The following SORBS2 variants were observed in gnomAD, a reference collection of about 807,000 sequenced individuals.
SORBS2 encodes the protein sorbin and SH3 domain containing 2.
SORBS2 carries 46 observed loss-of-function variants against 97.7 expected under a neutral mutation model. The ratio of observed to expected loss-of-function variants is 0.47; its 90% CI spans 0.37 to 0.60. The LOEUF (loss-of-function observed/expected upper bound fraction) is 0.60, where lower values mean the gene tolerates loss of function less well. SORBS2 is among the 20% of genes least tolerant of loss of function. The pLI is 0.00. For synonymous variants in SORBS2, 476 were observed against 473.4 expected, an observed-to-expected ratio of 1.01 and a Z score of -0.07; for missense variants, 1,316 against 1,282.3, an observed-to-expected ratio of 1.03 and a Z score of -0.40.
chr4:185,723,819 T>C (rs1450521607), intron 2 of SORBS2, among the ~76,000 whole-genome samples: 1 of 152,228 alleles, frequency 6.6e-6, no homozygotes, highest in Non-Finnish European at 1.5e-5. Flanking sequence ...GTCAAGGTCC[T>C]GGGCTCATAA....
Position 185,607,330 on chromosome 4 carries a change from G to T in SORBS2, c.2796+4450C>A, listed in dbSNP as rs1205303931. The stretch of plus-strand genomic sequence containing the variant: ...TGAGACTTTGTGGGTGGGAGGAGGG[G>T]CTGGTTCACTGGAAGCCAACTTGGA... On this transcript the variant is annotated intron_variant, in intron 12 of 14. Transcript: ENST00000418609. The surrounding 1 kb of genome is among the most constrained non-coding windows in gnomAD (Gnocchi z 5.2). The T allele has an allele frequency of 2.3e-6, 3 of 1,287,032 alleles. No individual in the cohort carries two copies. Among genetic ancestry groups the T allele is most frequent in the Non-Finnish European group, 3.0e-6 (3 of 987,482 alleles). 79.7% of individuals were successfully genotyped at this position (1,287,032 alleles called of 1,614,324 possible). A position where few individuals can be genotyped will look rare whatever the true frequency, so the allele number is the denominator to read the frequency against.
chr4:185,825,335 C>T (rs531418278), intron 1 of SORBS2, among the ~76,000 whole-genome samples: 5 of 152,168 alleles, frequency 3.3e-5, no homozygotes, highest in African/African-American at 1.2e-4. Context: ...AATATTAAAT[C>T]TCTTCCTTAT....
At position 185,852,988 on chromosome 4, in the gene SORBS2, C is replaced by T. The variant is rs189527304; in HGVS notation, c.-337-77622G>A. 2.2e-3 allele frequency among the ~76,000 whole-genome samples: 342 copies of T among 152,216 alleles called. 2 individuals are homozygous for T. The highest frequency in any genetic ancestry group is 4.0e-3 in the Non-Finnish European group (272 of 68,032). ...GGTCCTGAGGAAATCATGAAGGTCA[C>T]TACACTTTAAATATAAGTGATGGGA... On this transcript the variant is annotated intron_variant, in intron 1 of 20. Transcript: ENST00000284776.
intron 1 of SORBS2, among the ~76,000 whole-genome samples, chr4:185,929,786 G>C (rs1317830724): frequency 1.3e-5 from 2 of 152,098 alleles, no homozygotes; most frequent in Non-Finnish European, 2.9e-5. Context: ...CACCTGCCTT[G>C]GCCCCTCAAA....
At chr4:185,735,295 T>C (rs934148847) in intron 2 of SORBS2, among the ~76,000 whole-genome samples, 2 of 151,964 alleles carry the variant, frequency 1.3e-5, no homozygotes, top group African/African-American at 2.4e-5. Flanking sequence ...TTTCTGCAGA[T>C]ACGTCAGTGC....
chr4:185,766,090 C>T (rs919928689), intron 2 of SORBS2, among the ~76,000 whole-genome samples: 1 of 152,288 alleles, frequency 6.6e-6, no homozygotes, highest in East Asian at 1.9e-4. Context: ...GTTTTACTGC[C>T]CTTTACAAAC....
intron 12 of SORBS2, among the ~76,000 whole-genome samples, chr4:185,598,248 G>A (rs1212745630): frequency 6.6e-6 from 1 of 152,118 alleles, no homozygotes; most frequent in Non-Finnish European, 1.5e-5. Context: ...AAAATCCAGT[G>A]AAGCATGCTG....
intron 1 of SORBS2, among the ~76,000 whole-genome samples, chr4:185,654,915 A>G (rs77079355): frequency 9.8e-5 from 15 of 152,314 alleles, no homozygotes; most frequent in South Asian, 8.3e-4. Context: ...CAAAAAAGAT[A>G]AAAAAGGACA....
At chr4:185,842,540 G>T (rs537726634) in intron 1 of SORBS2, among the ~76,000 whole-genome samples, 1 of 152,260 alleles carries the variant, frequency 6.6e-6, no homozygotes, top group Admixed American at 6.5e-5. Context: ...GTACACTGGG[G>T]CTAAGGGGCA....
chr4:185,877,867 C>CAAAAAAAAAAAAAAAAAAAAAAAAAAA (rs1491116547), intron 1 of SORBS2, among the ~76,000 whole-genome samples: 1 of 50,458 alleles, frequency 2.0e-5, no homozygotes, highest in Non-Finnish European at 3.8e-5. Flanking sequence ...GAGACTCTGT[C>CAAAAAAAAAAAAAAAAAAAAAAAAAAA]AAAAAACAAA....
intron 1 of SORBS2, among the ~76,000 whole-genome samples, chr4:185,778,529 T>C (rs2099011516): frequency 2.0e-5 from 3 of 152,012 alleles, no homozygotes; most frequent in Admixed American, 2.0e-4. Flanking sequence ...TGTAAACATG[T>C]TGAAACTTGA....
Position 185,911,167 on chromosome 4 carries a change from TATAAC to T in SORBS2, c.-338+45024_-338+45028del, listed in dbSNP as rs1476396150. On this transcript the variant is annotated intron_variant, in intron 1 of 20. Coordinates refer to the SORBS2 transcript ENST00000284776. ...CTGAGCTACATTTCCTTTATTGTCTTATAACATAAACTTATCTCATATGTCTGATA... is the reference window on the plus strand; with the variant it reads ...CTGAGCTACATTTCCTTTATTGTCTTATAAACTTATCTCATATGTCTGATA... 3.3e-5 allele frequency among the ~76,000 whole-genome samples: 5 copies of T among 152,196 alleles called. No homozygotes were observed. In the South Asian group the frequency reaches 8.3e-4, roughly 25 times the overall value.
chr4:185,623,110 G>T lies in SORBS2; in HGVS notation c.2019C>A (p.Pro673=). The T allele has an allele frequency of 6.2e-7, 1 of 1,614,118 alleles. No homozygotes were observed. Among genetic ancestry groups the T allele is most frequent in the South Asian group, 1.1e-5 (1 of 91,058 alleles). ...GCGCTCTCAGGGATGAGTTCCTCTCGGGAACATCTGGCAGCAGCTCACTGA... is the reference window on the plus strand; with the variant it reads ...GCGCTCTCAGGGATGAGTTCCTCTCTGGAACATCTGGCAGCAGCTCACTGA... The change falls in exon 7 of 15, where the codon CCC becomes CCA. Residue 673 remains proline (P), a synonymous_variant. Coordinates refer to ENST00000418609, the Ensembl canonical transcript of SORBS2. This position sits in a 1 kb window ranked among gnomAD's most constrained non-coding sequence, Gnocchi z 6.4.
At position 185,639,038 on chromosome 4, in the gene SORBS2, G is replaced by A. The variant is rs1166917888; in HGVS notation, c.396+7630C>T. ...GTCGGAGTTGTTGGGAGAGGGGGCT[G>A]CAAGAAAGAGGGGTGCAGAAACTGG... On this transcript the variant is annotated intron_variant, in intron 4 of 14. Transcript: ENST00000418609. 3 of 1,513,112 alleles carry A rather than the reference G, an allele frequency of 2.0e-6. No individual in the cohort carries two copies. The highest frequency in any genetic ancestry group is 1.8e-6 in the Non-Finnish European group (2 of 1,131,544). 93.7% of individuals were successfully genotyped at this position (1,513,112 alleles called of 1,614,324 possible). A position where few individuals can be genotyped will look rare whatever the true frequency, so the allele number is the denominator to read the frequency against.
intron 1 of SORBS2, among the ~76,000 whole-genome samples, chr4:185,940,645 A>G (rs1298566187): frequency 6.6e-6 from 1 of 152,042 alleles, no homozygotes; most frequent in Non-Finnish European, 1.5e-5. Flanking sequence ...GACCCCACCT[A>G]CTTCTTTGAC....
At chr4:185,788,688 G>T (rs1192856061) in intron 1 of SORBS2, among the ~76,000 whole-genome samples, 1 of 152,156 alleles carries the variant, frequency 6.6e-6, no homozygotes, top group Non-Finnish European at 1.5e-5. Context: ...CAAAGACAGA[G>T]AAAGACTCAA....
At chr4:185,926,820 C>T (rs911939405) in intron 1 of SORBS2, among the ~76,000 whole-genome samples, 4 of 152,114 alleles carry the variant, frequency 2.6e-5, no homozygotes, top group African/African-American at 9.6e-5. Context: ...CACTTTAGAG[C>T]ACACGGGCTC....
At chr4:185,916,644 T>C (rs2099258292) in intron 1 of SORBS2, among the ~76,000 whole-genome samples, 1 of 152,184 alleles carries the variant, frequency 6.6e-6, no homozygotes, top group African/African-American at 2.4e-5. Context: ...ATGGTGGCAA[T>C]TTTACTTCCC....
exon 15 of SORBS2, chr4:185,585,600 A>G (rs1194371450): frequency 6.6e-6 from 1 of 152,034 alleles, no homozygotes; most frequent in South Asian, 2.1e-4. Flanking sequence ...TTCAAAGTCA[A>G]TTACCTGGAA....
Sources: gnomAD v4.1 joint callset for allele counts (sites outside exome capture counted in the v4.1 genomes callset) on GRCh38, gnomAD v4.1.1 for gene constraint, Gnocchi (gnomAD v3.1) non-coding constraint, MANE v1.5 for transcripts, NCBI Gene and HGNC (gene_info 2026-07-23, HGNC 2026-07-21) for gene names.